The following CPEB3 variants were observed in gnomAD, a reference collection of about 807,000 sequenced individuals.
CPEB3 encodes cytoplasmic polyadenylation element binding protein 3.
A neutral mutation model predicts 67.2 loss-of-function variants in CPEB3; 20 were observed. The ratio of observed to expected loss-of-function variants is 0.30; its 90% CI spans 0.21 to 0.43. CPEB3 has a LOEUF of 0.43. Ranked by LOEUF, CPEB3 falls within the 20% of genes least tolerant of loss-of-function variation. The probability of loss-of-function intolerance (pLI) is 1.00; values close to 1 mark genes in which losing one functional copy is unlikely to be tolerated. For missense variants in CPEB3, 746 were observed against 968.6 expected (o/e 0.77, Z 3.05); for synonymous variants, 376 against 393.1 (o/e 0.96, Z 0.51).
chr10:92,199,256 T>C (rs1774118969), intron 2 of CPEB3, among the ~76,000 whole-genome samples: 2 of 151,754 alleles, frequency 1.3e-5, no homozygotes, highest in African/African-American at 4.8e-5. Flanking sequence ...TCAGGCATGG[T>C]GGCGCATGCC....
intron 7 of CPEB3, among the ~76,000 whole-genome samples, chr10:92,094,427 C>A (rs536090696): frequency 7.9e-5 from 12 of 151,838 alleles, no homozygotes; most frequent in Admixed American, 6.6e-4. Context: ...ATGGTGAAAC[C>A]CCGTTTCTAC....
chr10:92,169,994 A>G (rs1847930510), intron 4 of CPEB3, among the ~76,000 whole-genome samples: 2 of 152,178 alleles, frequency 1.3e-5, no homozygotes, highest in Non-Finnish European at 1.5e-5. Flanking sequence ...ACTATTCCAT[A>G]TAACAGACCC....
chr10:92,063,633 G>A (rs966877691), intron 9 of CPEB3, among the ~76,000 whole-genome samples: 5 of 152,008 alleles, frequency 3.3e-5, no homozygotes, highest in South Asian at 2.1e-4. Flanking sequence ...GTGTGGTGGC[G>A]CGCACCTATA....
At chr10:92,177,571 A>G (rs1033733209) in intron 4 of CPEB3, among the ~76,000 whole-genome samples, 3 of 152,190 alleles carry the variant, frequency 2.0e-5, no homozygotes, top group Non-Finnish European at 4.4e-5. Context: ...AAACCTCGCC[A>G]ATTTTTCCAC....
At chr10:92,169,879 T>A (rs547051367) in intron 4 of CPEB3, among the ~76,000 whole-genome samples, 31 of 152,344 alleles carry the variant, frequency 2.0e-4, no homozygotes, top group African/African-American at 7.5e-4. Flanking sequence ...CTCCTTTGGA[T>A]AAACCTAATT....
In CPEB3 at chr10:92,239,321, G is replaced by A. The variant is rs542755462; in HGVS notation, c.1005+25C>T. ...AAAAGGAGCGGGGCAGAGGGAAGGA[G>A]TGTGTAGGTGCAGCAGAGTATTACC... On this transcript the variant is annotated intron_variant, in intron 2 of 9. Transcript: ENST00000265997. This position sits in a 1 kb window ranked among gnomAD's most constrained non-coding sequence, Gnocchi z 6.0. 1 of 1,594,628 alleles carries A rather than the reference G, an allele frequency of 6.3e-7. No homozygotes were observed. The highest frequency in any genetic ancestry group is 8.5e-7 in the Non-Finnish European group (1 of 1,170,188).
At chr10:92,263,095 A>T (rs1852882262) in intron 1 of CPEB3, among the ~76,000 whole-genome samples, 1 of 152,044 alleles carries the variant, frequency 6.6e-6, no homozygotes, top group Non-Finnish European at 1.5e-5. Context: ...TTGTTGTTGG[A>T]GACAGTCTCT....
intron 1 of CPEB3, among the ~76,000 whole-genome samples, chr10:92,269,088 C>T (rs1029434450): frequency 5.3e-5 from 8 of 152,090 alleles, no homozygotes; most frequent in African/African-American, 1.9e-4. Context: ...TTGTACCCTG[C>T]ATCAGCCAAT....
intron 1 of CPEB3, among the ~76,000 whole-genome samples, chr10:92,240,980 G>A (rs1295548125): frequency 6.6e-6 from 1 of 152,138 alleles, no homozygotes; most frequent in Admixed American, 6.6e-5. Context: ...GCATTTGTTA[G>A]AAGGACTCAG....
intron 2 of CPEB3, among the ~76,000 whole-genome samples, chr10:92,202,773 G>C (rs140718447): frequency 6.6e-6 from 1 of 150,964 alleles, no homozygotes; most frequent in African/African-American, 2.4e-5. Flanking sequence ...TTCTTTTTGG[G>C]GTGATAAAAA....
At chr10:92,194,763 C>T (rs1320827392) in intron 2 of CPEB3, among the ~76,000 whole-genome samples, 1 of 152,062 alleles carries the variant, frequency 6.6e-6, no homozygotes, top group Non-Finnish European at 1.5e-5. Context: ...ACTAAAGAGC[C>T]AGGCACGGTG....
chr10:92,252,903 A>C (rs1404730876), intron 1 of CPEB3, among the ~76,000 whole-genome samples: 1 of 151,810 alleles, frequency 6.6e-6, no homozygotes, highest in Non-Finnish European at 1.5e-5. Context: ...AGTATATACT[A>C]TATGCTATAT....
rs149017805 is a variant in CPEB3, at chr10:92,229,359, T to C, written c.1005+9987A>G. Among the ~76,000 whole-genome samples the C allele has an allele frequency of 1.9e-3, 292 of 152,298 alleles. 1 individual carries two copies. Among genetic ancestry groups the C allele is most frequent in the African/African-American group, 6.8e-3 (284 of 41,556 alleles). On this transcript the variant is annotated intron_variant, in intron 2 of 9. Transcript: ENST00000265997. ...TTCTCCTTAATATTTCTAAGTGTTA[T>C]TGTCAAAATTATCCTGACTCTCATT...
In CPEB3 at chr10:92,133,536, C is replaced by CA. The variant is rs1388693170; in HGVS notation, c.1453+9492dup. Reference sequence around the variant, plus strand: ...ATTGAGGCAATAATTAATAGCCTACCAAAAAAAGTCCAGGACCAGATGGAT... The same window carrying CA: ...ATTGAGGCAATAATTAATAGCCTACCAAAAAAAAGTCCAGGACCAGATGGAT... On this transcript the variant is annotated intron_variant, in intron 6 of 9. Coordinates refer to ENST00000265997, the MANE Select transcript of CPEB3 (RefSeq NM_014912.5). Among the ~76,000 whole-genome samples, 3 of 151,904 alleles carry CA rather than the reference C, an allele frequency of 2.0e-5. No individual in the cohort carries two copies. The South Asian group carries it at 6.2e-4, about 32-fold the overall frequency.
chr10:92,163,327 G>A (rs1023231201), intron 4 of CPEB3, among the ~76,000 whole-genome samples: 1 of 152,070 alleles, frequency 6.6e-6, no homozygotes, highest in African/African-American at 2.4e-5. Flanking sequence ...CCAGCTACTC[G>A]GGAGGCTGAG....
intron 6 of CPEB3, among the ~76,000 whole-genome samples, chr10:92,128,490 T>C (rs1378148176): frequency 1.3e-5 from 2 of 152,096 alleles, no homozygotes; most frequent in Non-Finnish European, 2.9e-5. Flanking sequence ...TTTAAAAATA[T>C]GAAAATTGGT....
chr10:92,215,295 G>A (rs1172054875), intron 2 of CPEB3, among the ~76,000 whole-genome samples: 1 of 150,648 alleles, frequency 6.6e-6, no homozygotes, highest in African/African-American at 2.4e-5. Flanking sequence ...TGGGATTACA[G>A]GCGCCCACCA....
At chr10:92,054,241 C>CA (rs1347533165) in intron 9 of CPEB3, among the ~76,000 whole-genome samples, 2 of 151,746 alleles carry the variant, frequency 1.3e-5, no homozygotes, top group African/African-American at 4.8e-5. Flanking sequence ...CACTTGAGCC[C>CA]AGGAGTTCAA....
At chr10:92,285,957 T>C (rs960841190) in intron 1 of CPEB3, among the ~76,000 whole-genome samples, 2 of 151,586 alleles carry the variant, frequency 1.3e-5, no homozygotes, top group African/African-American at 4.9e-5. Context: ...CTTTTTTTTT[T>C]TTTGAGAGGG....
Sources: gnomAD v4.1 joint callset for allele counts (sites outside exome capture counted in the v4.1 genomes callset) on GRCh38, gnomAD v4.1.1 for gene constraint, Gnocchi (gnomAD v3.1) non-coding constraint, MANE v1.5 for transcripts, NCBI Gene and HGNC (gene_info 2026-07-23, HGNC 2026-07-21) for gene names.